The following TEAD1 variants were observed in gnomAD, a reference collection of about 807,000 sequenced individuals.
TEAD1 encodes transcriptional enhancer factor TEF-1.
TEAD1 carries 9 observed loss-of-function variants against 54.9 expected under a neutral mutation model. The ratio of observed to expected loss-of-function variants is 0.16; its 90% CI spans 0.10 to 0.29. The LOEUF (loss-of-function observed/expected upper bound fraction) is 0.29. TEAD1 is among the 10% of genes least tolerant of loss of function. TEAD1 has a pLI of 1.00. For missense variants in TEAD1, 387 were observed against 535.9 expected, an observed-to-expected ratio of 0.72 and a Z score of 2.74; for synonymous variants, 200 against 187.8, an observed-to-expected ratio of 1.07 and a Z score of -0.53.
Position 12,801,201 on chromosome 11 carries a change from G to A in TEAD1, c.202+36767G>A, listed in dbSNP as rs1946052538. 2.0e-5 allele frequency among the ~76,000 whole-genome samples: 3 copies of A among 152,204 alleles called. 1 individual carries two copies. The highest frequency in any genetic ancestry group is 4.1e-4 in the South Asian group (2 of 4,824). The stretch of plus-strand genomic sequence containing the variant: ...TAAGTGTAGCCTAGAAATTGGGGCT[G>A]GATTTGAAAATTAGCCCCAATTCTG... On this transcript the variant is annotated intron_variant, in intron 3 of 12. Coordinates refer to ENST00000527636, the MANE Select transcript of TEAD1 (RefSeq NM_021961.6).
chr11:12,833,913 T>C (rs1946831523), intron 3 of TEAD1, among the ~76,000 whole-genome samples: 1 of 152,216 alleles, frequency 6.6e-6, no homozygotes, highest in South Asian at 2.1e-4. Flanking sequence ...GGTTGCTTAT[T>C]TCCCCAACTA....
intron 2 of TEAD1, among the ~76,000 whole-genome samples, chr11:12,728,872 C>G (rs1944365284): frequency 6.6e-6 from 1 of 152,154 alleles, no homozygotes; most frequent in Non-Finnish European, 1.5e-5. Context: ...AATGTAGCAC[C>G]TGTAGAAATA....
chr11:12,785,961 C>T (rs1026794731), intron 3 of TEAD1, among the ~76,000 whole-genome samples: 8 of 152,260 alleles, frequency 5.3e-5, no homozygotes, highest in South Asian at 2.1e-4. Context: ...ATACAAATCA[C>T]GAGAGCAGCA....
At chr11:12,893,480 A>C (rs534675325) in intron 9 of TEAD1, among the ~76,000 whole-genome samples, 149 of 152,300 alleles carry the variant, frequency 9.8e-4, no homozygotes, top group African/African-American at 3.5e-3. Flanking sequence ...TTTGGGAAGG[A>C]GGCCACTGAA....
chr11:12,853,152 A>T (rs1947307792), intron 3 of TEAD1, among the ~76,000 whole-genome samples: 1 of 152,066 alleles, frequency 6.6e-6, no homozygotes, highest in Admixed American at 6.6e-5. Flanking sequence ...CTTGGAGGGG[A>T]CATCTGAGCT....
intron 10 of TEAD1, among the ~76,000 whole-genome samples, chr11:12,911,735 G>A (rs1328013794): frequency 6.7e-6 from 1 of 149,796 alleles, no homozygotes; most frequent in Non-Finnish European, 1.5e-5. Flanking sequence ...AGCACAGGAA[G>A]AGAGAAATCA....
At chr11:12,739,360 G>C (rs1188160934) in intron 2 of TEAD1, among the ~76,000 whole-genome samples, 1 of 152,144 alleles carries the variant, frequency 6.6e-6, no homozygotes, top group Non-Finnish European at 1.5e-5. Context: ...CATTGACATT[G>C]TTTTGCTATC....
At chr11:12,887,013 T>C (rs1477816727) in intron 9 of TEAD1, among the ~76,000 whole-genome samples, 2 of 152,132 alleles carry the variant, frequency 1.3e-5, no homozygotes, top group African/African-American at 4.8e-5. Context: ...ATTCCTATGT[T>C]ACAAACACTC....
intron 9 of TEAD1, among the ~76,000 whole-genome samples, chr11:12,890,800 C>T (rs976342582): frequency 1.3e-4 from 20 of 152,206 alleles, no homozygotes; most frequent in Admixed American, 2.6e-4. Context: ...AGTTTTGCTT[C>T]GTCGCCCAGG....
chr11:12,843,697 G>A (rs1947085911), intron 3 of TEAD1, among the ~76,000 whole-genome samples: 1 of 152,202 alleles, frequency 6.6e-6, no homozygotes, highest in Non-Finnish European at 1.5e-5. Context: ...AAAAAGTCTA[G>A]AGAAAAGAAT....
chr11:12,911,961 T>C (rs1289707488), intron 10 of TEAD1, among the ~76,000 whole-genome samples: 1 of 152,124 alleles, frequency 6.6e-6, no homozygotes, highest in Non-Finnish European at 1.5e-5. Context: ...CAAGGCTTTT[T>C]TTTTTTAAGT....
At chr11:12,912,484 T>A (rs1948633881) in intron 10 of TEAD1, among the ~76,000 whole-genome samples, 1 of 148,668 alleles carries the variant, frequency 6.7e-6, no homozygotes, top group South Asian at 2.1e-4. Context: ...TGGATACTCA[T>A]GTACAGACAA....
chr11:12,676,024 C>T (rs967572981), intron 2 of TEAD1, among the ~76,000 whole-genome samples: 1 of 152,144 alleles, frequency 6.6e-6, no homozygotes, highest in Admixed American at 6.5e-5. Context: ...TCAGTGAGCC[C>T]TGGAAACTTA....
At chr11:12,737,160 G>A (rs1042051480) in intron 2 of TEAD1, among the ~76,000 whole-genome samples, 2 of 151,986 alleles carry the variant, frequency 1.3e-5, no homozygotes, top group Non-Finnish European at 1.5e-5. Flanking sequence ...CGGAGGCCTA[G>A]GTAGGGGGAA....
At position 12,883,450 on chromosome 11, in the gene TEAD1, C is replaced by T. The variant is rs113681700; in HGVS notation, c.699+325C>T. ...AGAAGTAACATTTATTGAGCCTTGC[C>T]ATATGCCTGGTCCCATGCAGAGTTA... is the stretch of plus-strand genomic sequence containing the variant. On this transcript the variant is annotated intron_variant, in intron 9 of 12. Transcript: ENST00000527636. Among the ~76,000 whole-genome samples the T allele has an allele frequency of 2.6e-4, 40 of 152,134 alleles. 1 individual carries two copies. The highest frequency in any genetic ancestry group is 8.5e-4 in the African/African-American group (35 of 41,418).
At chr11:12,711,285 A>G (rs1480041925) in intron 2 of TEAD1, among the ~76,000 whole-genome samples, 2 of 152,210 alleles carry the variant, frequency 1.3e-5, no homozygotes, top group Admixed American at 6.5e-5. Context: ...ATTATAAGCC[A>G]TAGAAATCCT....
intron 3 of TEAD1, among the ~76,000 whole-genome samples, chr11:12,797,823 T>C (rs1478096801): frequency 6.6e-6 from 1 of 152,170 alleles, no homozygotes; most frequent in Non-Finnish European, 1.5e-5. Context: ...TCCTATCTAC[T>C]ATTTTTCAAA....
At chr11:12,923,434 G>C (rs1948849585) in intron 10 of TEAD1, among the ~76,000 whole-genome samples, 2 of 152,096 alleles carry the variant, frequency 1.3e-5, no homozygotes, top group African/African-American at 4.8e-5. Context: ...CTCTCTCCCT[G>C]GTGCTTAGTT....
At chr11:12,870,319 A>C (rs1947716755) in intron 5 of TEAD1, among the ~76,000 whole-genome samples, 3 of 152,162 alleles carry the variant, frequency 2.0e-5, no homozygotes. Flanking sequence ...CTGACTGCAG[A>C]GGAGAGATAC....
Sources: gnomAD v4.1 joint callset for allele counts (sites outside exome capture counted in the v4.1 genomes callset) on GRCh38, gnomAD v4.1.1 for gene constraint, MANE v1.5 for transcripts, NCBI Gene and HGNC (gene_info 2026-07-23, HGNC 2026-07-21) for gene names.